The following CDC16 variants were observed in gnomAD, a reference collection of about 807,000 sequenced individuals.
The protein encoded by CDC16 is cell division cycle 16, also known as cell division cycle protein 16 homolog.
A neutral mutation model predicts 87.0 loss-of-function variants in CDC16; 34 were observed. That is an observed-to-expected ratio of 0.39 (90% CI 0.30 to 0.52). CDC16 has a LOEUF of 0.52. Among genes scored for constraint, CDC16 ranks in the 20% least tolerant of loss-of-function variants. The pLI, the probability that CDC16 is intolerant of heterozygous loss-of-function variation, is 0.74. For missense variants in CDC16, 653 were observed against 751.9 expected, an observed-to-expected ratio of 0.87 and a Z score of 1.54; for synonymous variants, 263 against 260.6, an observed-to-expected ratio of 1.01 and a Z score of -0.09.
intron 12 of CDC16, among the ~76,000 whole-genome samples, chr13:114,256,396 C>A (rs986745214): frequency 1.3e-5 from 2 of 152,100 alleles, no homozygotes; most frequent in African/African-American, 4.8e-5. Flanking sequence ...TAGATTAGAA[C>A]CAAAGCACAC....
rs1236716733 is a variant in CDC16, at chr13:114,243,290, A to G, written c.575A>G (p.Lys192Arg). ...CTTCTTGAATCACTACCCCTTAGCA[A>G]GCTGTGTAATGAAGAACAGGAATTG... ...KELLESLPLS[K>R]LCNEEQELLR... Residue 192 changes from lysine to arginine, a missense_variant, in exon 7 of 18, where the codon AAG becomes AGG. Physicochemically the swap from Lys to Arg is conservative, Grantham distance 26. Transcript: ENST00000356221. The G allele has an allele frequency of 6.3e-7, 1 of 1,588,274 alleles. No homozygotes were observed. Among genetic ancestry groups the G allele is most frequent in the Non-Finnish European group, 8.6e-7 (1 of 1,157,152 alleles).
chr13:114,237,114 A>T (rs956709656), intron 3 of CDC16, among the ~76,000 whole-genome samples: 1 of 151,618 alleles, frequency 6.6e-6, no homozygotes, highest in Non-Finnish European at 1.5e-5. Flanking sequence ...AATCCCAGCT[A>T]CTCGGGAGGC....
At chr13:114,250,791 C>T in intron 12 of CDC16, 117 bp downstream of exon 12, 1 of 981,166 alleles carries the variant, frequency 1.0e-6, no homozygotes, top group Non-Finnish European at 1.5e-6. Context: ...ATTTTACTTG[C>T]CTTTTAATCT....
In CDC16 at chr13:114,234,989, C is replaced by CGGCGGCCGCAGG. The variant is rs2081166701; in HGVS notation, c.-96_-95insGGCGGCCGCAGG. ...TCGAGTCCTGGGGCGGCGGCGGCGG[C>CGGCGGCCGCAGG]TGCAGGCACGGGCACGGGCACGGGG... is the stretch of plus-strand genomic sequence containing the variant. On this transcript the variant is annotated 5_prime_UTR_variant, in exon 1 of 18. Coordinates refer to ENST00000356221, the MANE Select transcript of CDC16 (RefSeq NM_001078645.3). 1.9e-6 allele frequency: 2 copies of CGGCGGCCGCAGG among 1,029,402 alleles called. No individual in the cohort carries two copies. Among genetic ancestry groups the CGGCGGCCGCAGG allele is most frequent in the African/African-American group, 1.8e-5 (1 of 55,594 alleles). 63.8% of individuals were successfully genotyped at this position (1,029,402 alleles called of 1,614,324 possible).
chr13:114,239,551 A>G (rs556788315), intron 5 of CDC16, 61 bp downstream of exon 5: 5 of 1,426,638 alleles, frequency 3.5e-6, no homozygotes, highest in Admixed American at 4.6e-5. Flanking sequence ...ATTACGTGGC[A>G]GAAACACATT....
chr13:114,260,955 T>C (rs2082818380), intron 14 of CDC16, among the ~76,000 whole-genome samples: 1 of 152,192 alleles, frequency 6.6e-6, no homozygotes, highest in Non-Finnish European at 1.5e-5. Flanking sequence ...AGTTTACTAT[T>C]TCCTGACCTC....
rs536227095 is a variant in CDC16, at chr13:114,265,252, G to A, written c.1603+12G>A. 1.4e-5 allele frequency: 22 copies of A among 1,521,900 alleles called. No individual in the cohort carries two copies. Among genetic ancestry groups the A allele is most frequent in the South Asian group, 7.9e-5 (7 of 89,066 alleles). 94.3% of individuals were successfully genotyped at this position (1,521,900 alleles called of 1,614,324 possible). On this transcript the variant is annotated intron_variant, in intron 17 of 17. Transcript: ENST00000356221. Reference sequence around the variant, plus strand: ...TGAAGCTTATATTGGTAAGATAATCGTTATTCTTATTGGTATTGTACTCCA... The same window carrying A: ...TGAAGCTTATATTGGTAAGATAATCATTATTCTTATTGGTATTGTACTCCA...
rs1016356451 is a variant in CDC16 at position 114,239,433 on chromosome 13, G to T, written c.324G>T (p.Leu108Phe). ...PINKRLFEKY[L>F]KDESGFKDPS... ...ATAAAAGATTATTTGAAAAATACTT[G>T]AAGGACGAAAGTGGCTTCAAAGATC... Residue 108 changes from leucine to phenylalanine, a missense_variant, in exon 5 of 18, where the codon TTG becomes TTT. Leu to Phe is a conservative substitution (Grantham distance 22, BLOSUM62 0). Transcript: ENST00000356221. 2.5e-6 allele frequency: 4 copies of T among 1,613,288 alleles called. No homozygotes were observed. The Admixed American group carries it at 6.7e-5, about 27-fold the overall frequency.
At chr13:114,259,113 AAGG>A (rs2082684722) in intron 13 of CDC16, among the ~76,000 whole-genome samples, 1 of 151,364 alleles carries the variant, frequency 6.6e-6, no homozygotes, top group African/African-American at 2.4e-5. Flanking sequence ...AAAAAAAAAA[AAGG>A]AATATAAATA....
Position 114,234,959 on chromosome 13 carries a change from G to T in CDC16, c.-126G>T. 2 of 636,696 alleles carry T rather than the reference G, an allele frequency of 3.1e-6. No individual in the cohort carries two copies. Among genetic ancestry groups the T allele is most frequent in the Non-Finnish European group, 4.5e-6 (2 of 444,964 alleles). 39.4% of individuals were successfully genotyped at this position (636,696 alleles called of 1,614,324 possible). On this transcript the variant is annotated 5_prime_UTR_variant, in exon 1 of 18. Coordinates refer to ENST00000356221, the MANE Select transcript of CDC16 (RefSeq NM_001078645.3). ...GGGGACCTGCGGCCTTCGAGTCCGC[G>T]GCCTTCGAGTCCTGGGGCGGCGGCG...
In CDC16 at chr13:114,262,860, A is replaced by G. The variant is rs989432359; in HGVS notation, c.1377-19A>G. 8 of 1,613,848 alleles carry G rather than the reference A, an allele frequency of 5.0e-6. No individual in the cohort carries two copies. The highest frequency in any genetic ancestry group is 3.3e-5 in the Admixed American group (2 of 59,992). On this transcript the variant is annotated intron_variant, in intron 15 of 17. Transcript: ENST00000356221. ...TTTAGTGCTTTTACTGTAGCCAATA[A>G]TTGTGTTCTCTCCCACAGAAAGTAT... is the stretch of plus-strand genomic sequence containing the variant.
intron 15 of CDC16, among the ~76,000 whole-genome samples, chr13:114,262,670 G>T (rs1259701231): frequency 6.6e-6 from 1 of 152,236 alleles, no homozygotes; most frequent in East Asian, 1.9e-4. Flanking sequence ...CTGCAGGAGT[G>T]CCCTTGGCCG....
chr13:114,243,150 G>A, intron 6 of CDC16, 107 bp from the exon 7 acceptor site: 1 of 634,804 alleles, frequency 1.6e-6, no homozygotes, highest in Non-Finnish European at 2.9e-6. Flanking sequence ...TCTCTTTTGA[G>A]TTTGATTTAC....
chr13:114,271,670 A>T (rs113500514), intron 17 of CDC16, among the ~76,000 whole-genome samples: 2,607 of 150,784 alleles, frequency 0.017, 50 homozygotes, highest in African/African-American at 0.046. Flanking sequence ...TTTAGTAGAG[A>T]CTGGGTTTCA....
chr13:114,272,117 A>T (rs2083722780), intron 17 of CDC16, 67 bp from the exon 18 acceptor site: 2 of 870,426 alleles, frequency 2.3e-6, no homozygotes, highest in African/African-American at 3.4e-5. Flanking sequence ...AGATGGTGTT[A>T]TATAACAATA....
Position 114,243,123 on chromosome 13 carries a change from A to T in CDC16, c.542-134A>T, listed in dbSNP as rs1269544938. On this transcript the variant is annotated intron_variant, in intron 6 of 17. Transcript: ENST00000356221. Reference sequence around the variant, plus strand: ...GAGCCACTGTGTCAGCTTCTGTTGCACATTTTGATCTTATGTTCTCTTTTG... The same window carrying T: ...GAGCCACTGTGTCAGCTTCTGTTGCTCATTTTGATCTTATGTTCTCTTTTG... The T allele has an allele frequency of 7.0e-6, 4 of 573,694 alleles. No individual in the cohort carries two copies. In the Admixed American group the frequency reaches 1.2e-4, roughly 17 times the overall value. 35.5% of individuals were successfully genotyped at this position (573,694 alleles called of 1,614,324 possible).
chr13:114,246,903 T>C (rs1236417711), intron 10 of CDC16, 28 bp from the exon 11 acceptor site: 2 of 1,437,116 alleles, frequency 1.4e-6, no homozygotes, highest in African/African-American at 1.4e-5. Flanking sequence ...TTCCAATCTT[T>C]GTTTATGGTA....
At position 114,262,975 on chromosome 13, in the gene CDC16, G is replaced by A; in HGVS notation, c.1473G>A (p.Leu491=). The A allele has an allele frequency of 1.2e-6, 2 of 1,614,048 alleles. No homozygotes were observed. The highest frequency in any genetic ancestry group is 1.1e-5 in the South Asian group (1 of 91,086). Reference sequence around the variant, plus strand: ...CTGCTATTGGATATATCCACAGTCTGATGGGCAACTTTGAAAATGCTGTGG... The same window carrying A: ...CTGCTATTGGATATATCCACAGTCTAATGGGCAACTTTGAAAATGCTGTGG... ...TYSAIGYIHS[L]MGNFENAVDY... is the part of the protein sequence containing the mutation. Residue 491 remains leucine, a synonymous_variant, in exon 16 of 18, where the codon CTG becomes CTA. Coordinates refer to ENST00000356221, the MANE Select transcript of CDC16 (RefSeq NM_001078645.3).
Position 114,242,280 on chromosome 13 carries a change from G to A in CDC16, c.541G>A (p.Glu181Lys). 1 of 1,599,686 alleles carries A rather than the reference G, an allele frequency of 6.3e-7. No individual in the cohort carries two copies. The highest frequency in any genetic ancestry group is 1.4e-5 in the African/African-American group (1 of 74,048). ...TSHHMLTAQE[E>K]KELLESLPLS... The stretch of plus-strand genomic sequence containing the variant: ...ACATCACATGCTGACAGCACAAGAA[G>A]GTTTGGAAACTCAGGCTTTTTTGTT... The change falls in exon 6 of 18, where the codon GAA (glutamate) becomes AAA (lysine). Residue 181 changes from glutamate to lysine, a missense_variant and splice_region_variant. Coordinates refer to ENST00000356221, the MANE Select transcript of CDC16 (RefSeq NM_001078645.3).
Sources: allele counts gnomAD v4.1 joint callset (sites outside exome capture counted in the v4.1 genomes callset), GRCh38; gene constraint gnomAD v4.1.1; transcripts MANE v1.5; gene names NCBI Gene and HGNC (gene_info 2026-07-23, HGNC 2026-07-21).